The following STX7 variants were observed in gnomAD, a reference collection of about 807,000 sequenced individuals.
The protein encoded by STX7 is syntaxin 7, also known as syntaxin-7.
STX7 carries 34 observed loss-of-function variants against 39.6 expected under a neutral mutation model. That is an observed-to-expected ratio of 0.86 (90% CI 0.65 to 1.14). The LOEUF is 1.14. Ranked by LOEUF, STX7 falls within the 50% of genes most tolerant of loss-of-function variation. The probability of loss-of-function intolerance (pLI) is 0.00; values close to 1 mark genes in which losing one functional copy is unlikely to be tolerated. For missense variants in STX7, 284 were observed against 310.4 expected (o/e 0.92, Z 0.64); for synonymous variants, 119 against 99.1 (o/e 1.20, Z -1.19).
intron 2 of STX7, among the ~76,000 whole-genome samples, chr6:132,495,862 G>C (rs900042322): frequency 1.3e-5 from 2 of 152,110 alleles, no homozygotes; most frequent in African/African-American, 2.4e-5. Context: ...AAACAATTTT[G>C]AAAAGTATAC....
Position 132,468,417 on chromosome 6 carries a change from T to C in STX7, c.596A>G (p.Gln199Arg). 6.2e-7 allele frequency: 1 copy of C among 1,609,398 alleles called. No homozygotes were observed. Among genetic ancestry groups the C allele is most frequent in the Non-Finnish European group, 8.5e-7 (1 of 1,177,526 alleles). Residue 199 changes from glutamine (Q) to arginine (R), a missense_variant, in exon 8 of 10, where the codon CAA (glutamine) becomes CGA (arginine). Coordinates refer to ENST00000367941, the MANE Select transcript of STX7 (RefSeq NM_003569.3). Reference protein sequence around the residue: ...FKDLGMMIHEQGDVIDSIEAN... With the variant: ...FKDLGMMIHERGDVIDSIEAN... ...GCAGGTCTTACCTATTACATCTCCT[T>C]GTTCATGAATCATCATTCCCAAATC...
chr6:132,510,324 C>T (rs190461879), intron 1 of STX7, among the ~76,000 whole-genome samples: 1 of 152,284 alleles, frequency 6.6e-6, no homozygotes, highest in East Asian at 1.9e-4. Flanking sequence ...TTGTACACAT[C>T]TACTGATGTA....
intron 2 of STX7, among the ~76,000 whole-genome samples, chr6:132,498,849 A>C (rs889163192): frequency 1.3e-4 from 20 of 152,074 alleles, no homozygotes; most frequent in Non-Finnish European, 2.6e-4. Flanking sequence ...TCTAATCTAA[A>C]CTCCCCTTCA....
chr6:132,450,563 A>G lies in STX7; in HGVS notation c.*10195T>C, dbSNP rs1212815854. ...ATACTCTCTTCTATAGTATAGGTTTATACTCCAGGGGTCAACCAACATTTT... is the reference window on the plus strand; with the variant it reads ...ATACTCTCTTCTATAGTATAGGTTTGTACTCCAGGGGTCAACCAACATTTT... On this transcript the variant is annotated 3_prime_UTR_variant, in exon 10 of 10. Transcript: ENST00000367941. 6.6e-6 allele frequency: 1 copy of G among 152,108 alleles called. No individual in the cohort carries two copies. The highest frequency in any genetic ancestry group is 1.5e-5 in the Non-Finnish European group (1 of 68,024). The allele number at this position is 152,108 out of a possible 1,614,324, so 9.4% of individuals were successfully genotyped here. A position where few individuals can be genotyped will look rare whatever the true frequency, so the allele number is the denominator to read the frequency against.
chr6:132,503,465 G>A lies in STX7; in HGVS notation c.66C>T (p.Ile22=), dbSNP rs1309027097. 5.0e-6 allele frequency: 8 copies of A among 1,613,772 alleles called. No homozygotes were observed. Among genetic ancestry groups the A allele is most frequent in the Non-Finnish European group, 6.8e-6 (8 of 1,179,842 alleles). ...AQLAQRISSN[I]QKITQCSVEI... ...ACTCACAACACTGTGTGATCTTCTG[G>A]ATGTTAGAAGAGATCCTCTGGGCCA... The change falls in exon 2 of 10, where the codon ATC becomes ATT. Residue 22 remains isoleucine, a synonymous_variant. Transcript: ENST00000367941.
chr6:132,470,537 T>C (rs368983125), intron 6 of STX7, 37 bp downstream of exon 6: 3 of 1,522,754 alleles, frequency 2.0e-6, no homozygotes, highest in African/African-American at 1.4e-5. Flanking sequence ...CTTTGAAAAA[T>C]TACCTTTTGA....
At chr6:132,489,114 A>G (rs1181850590) in intron 2 of STX7, among the ~76,000 whole-genome samples, 3 of 151,480 alleles carry the variant, frequency 2.0e-5, no homozygotes, top group Non-Finnish European at 2.9e-5. Context: ...AAGCACAAGA[A>G]TAGCTTGAAC....
At chr6:132,506,665 C>A (rs62424918) in intron 1 of STX7, among the ~76,000 whole-genome samples, 12,264 of 152,050 alleles carry the variant, frequency 0.081, 660 homozygotes, top group East Asian at 0.16. Flanking sequence ...TGCAGAGAAA[C>A]AGGAACACAC....
rs1774375140 is a variant in STX7, at chr6:132,460,794, C to T, written c.750G>A (p.Ala250=). The part of the protein sequence containing the change: ...IIILILVIGV[A]IISLIIWGLN... ...ATCCCCATATGATGAGACTGATAAT[C>T]GCAACTCCAATGACAAGGATAAGAA... The change falls in exon 10 of 10, where the codon GCG becomes GCA. Residue 250 remains alanine (A), a synonymous_variant. Coordinates refer to ENST00000367941, the MANE Select transcript of STX7 (RefSeq NM_003569.3). The T allele has an allele frequency of 1.9e-6, 3 of 1,613,542 alleles. No homozygotes were observed. Among genetic ancestry groups the T allele is most frequent in the East Asian group, 2.2e-5 (1 of 44,820 alleles).
Position 132,471,501 on chromosome 6 carries a change from CTT to C in STX7, c.347_348del (p.Lys116ArgfsTer18), listed in dbSNP as rs776905379. ...CTGGCTCTTACTCGAGCAACAAACT[CTT>C]TCTCTCGCTCAGCAGCCTGCCTCTG... ...KVQRQAAERE[K>X]EFVARVRASS... On this transcript the variant is annotated frameshift_variant, in exon 5 of 10. Transcript: ENST00000367941. LOFTEE classifies it high-confidence loss of function. 1 of 1,614,018 alleles carries C rather than the reference CTT, an allele frequency of 6.2e-7. No individual in the cohort carries two copies. Among genetic ancestry groups the C allele is most frequent in the Non-Finnish European group, 8.5e-7 (1 of 1,179,926 alleles).
At position 132,457,955 on chromosome 6, in the gene STX7, T is replaced by C. The variant is rs2114335566; in HGVS notation, c.*2803A>G. 1 of 152,356 alleles carries C rather than the reference T, an allele frequency of 6.6e-6. No homozygotes were observed. Among genetic ancestry groups the C allele is most frequent in the South Asian group, 2.1e-4 (1 of 4,830 alleles). 9.4% of individuals were successfully genotyped at this position (152,356 alleles called of 1,614,324 possible). ...TAAGTTTTATATTTTATTATGACATTCATTTTTTCTACATGAAGACACAAA... is the reference window on the plus strand; with the variant it reads ...TAAGTTTTATATTTTATTATGACATCCATTTTTTCTACATGAAGACACAAA... On this transcript the variant is annotated 3_prime_UTR_variant, in exon 10 of 10. Transcript: ENST00000367941.
intron 2 of STX7, among the ~76,000 whole-genome samples, chr6:132,493,101 A>C (rs187176654): frequency 6.6e-6 from 1 of 152,306 alleles, no homozygotes; most frequent in Non-Finnish European, 1.5e-5. Context: ...TAAAAGGCAA[A>C]CTATCTTAAA....
intron 2 of STX7, among the ~76,000 whole-genome samples, chr6:132,500,928 A>C (rs1204978025): frequency 6.6e-6 from 1 of 152,156 alleles, no homozygotes; most frequent in Non-Finnish European, 1.5e-5. Context: ...GTGAAATCTG[A>C]CTACCTGTAG....
At chr6:132,505,035 A>C (rs919745396) in intron 1 of STX7, among the ~76,000 whole-genome samples, 2 of 152,272 alleles carry the variant, frequency 1.3e-5, no homozygotes, top group African/African-American at 4.8e-5. Flanking sequence ...ATAAAGGGAA[A>C]GAGAGGAATG....
At chr6:132,490,864 G>T (rs1775262579) in intron 2 of STX7, among the ~76,000 whole-genome samples, 1 of 152,126 alleles carries the variant, frequency 6.6e-6, no homozygotes, top group Non-Finnish European at 1.5e-5. Context: ...GCATCTTGGG[G>T]CCGATGAAGT....
chr6:132,511,819 T>C (rs1238256305), intron 1 of STX7, among the ~76,000 whole-genome samples: 1 of 152,186 alleles, frequency 6.6e-6, no homozygotes, highest in African/African-American at 2.4e-5. Flanking sequence ...CTGTGAATAT[T>C]TTCTATAATT....
At chr6:132,492,081 C>G (rs1418943866) in intron 2 of STX7, among the ~76,000 whole-genome samples, 1 of 152,190 alleles carries the variant, frequency 6.6e-6, no homozygotes, top group African/African-American at 2.4e-5. Flanking sequence ...GTCCTTACAC[C>G]AGCCTGCAAG....
rs933153463 is a variant in STX7 at position 132,457,554 on chromosome 6, A to C, written c.*3204T>G. Reference sequence around the variant, plus strand: ...ACACTTTCAGGCTCCCATTGGTTTAAAATTTGATAAGTGTATTTCTTTGCT... The same window carrying C: ...ACACTTTCAGGCTCCCATTGGTTTACAATTTGATAAGTGTATTTCTTTGCT... On this transcript the variant is annotated 3_prime_UTR_variant, in exon 10 of 10. Coordinates refer to ENST00000367941, the MANE Select transcript of STX7 (RefSeq NM_003569.3). The C allele has an allele frequency of 2.0e-5, 3 of 152,226 alleles. No homozygotes were observed. The highest frequency in any genetic ancestry group is 7.2e-5 in the African/African-American group (3 of 41,466). The allele number at this position is 152,226 out of a possible 1,614,324, so 9.4% of individuals were successfully genotyped here.
In STX7 at chr6:132,449,348, C is replaced by T. The variant is rs763952552; in HGVS notation, c.*11410G>A. ...CTCTTGCTTCATTTCCCAGGTTGAT[C>T]TCAAACTCCTGGCTTCAAGTGATCC... On this transcript the variant is annotated 3_prime_UTR_variant, in exon 10 of 10. Coordinates refer to ENST00000367941, the MANE Select transcript of STX7 (RefSeq NM_003569.3). The T allele has an allele frequency of 2.6e-5, 4 of 152,086 alleles. No homozygotes were observed. The highest frequency in any genetic ancestry group is 7.2e-5 in the African/African-American group (3 of 41,402). The allele number at this position is 152,086 out of a possible 1,614,324, so 9.4% of individuals were successfully genotyped here.
Sources: allele counts gnomAD v4.1 joint callset (sites outside exome capture counted in the v4.1 genomes callset), GRCh38; gene constraint gnomAD v4.1.1; transcripts MANE v1.5; gene names NCBI Gene and HGNC (gene_info 2026-07-23, HGNC 2026-07-21).